The following LIPH variants were observed in gnomAD, a reference collection of about 807,000 sequenced individuals.
The protein encoded by LIPH is lipase H.
Under a neutral mutation model 47.6 loss-of-function variants are expected in LIPH, and 32 were observed. The observed-to-expected ratio is 0.67, with a 90% CI of 0.51 to 0.90. The LOEUF (loss-of-function observed/expected upper bound fraction) is 0.90, where lower values mean the gene tolerates loss of function less well. Ranked by LOEUF, LIPH falls within the 40% of genes least tolerant of loss-of-function variation. LIPH has a pLI of 0.00. For missense variants in LIPH, 497 were observed against 541.4 expected (o/e 0.92, Z 0.81); for synonymous variants, 190 against 195.6 (o/e 0.97, Z 0.24).
intron 1 of LIPH, among the ~76,000 whole-genome samples, chr3:185,548,444 T>G (rs1294525391): frequency 6.7e-6 from 1 of 150,072 alleles, no homozygotes; most frequent in Non-Finnish European, 1.5e-5. Flanking sequence ...AAACTCATCC[T>G]AGGTCAAGCA....
At chr3:185,538,566 T>C (rs1402391773) in intron 1 of LIPH, among the ~76,000 whole-genome samples, 1 of 152,140 alleles carries the variant, frequency 6.6e-6, no homozygotes, top group Non-Finnish European at 1.5e-5. Context: ...AATAATACAG[T>C]TGGGCAAATT....
At chr3:185,518,780 G>T (rs1719809889) in intron 6 of LIPH, among the ~76,000 whole-genome samples, 1 of 151,886 alleles carries the variant, frequency 6.6e-6, no homozygotes, top group Non-Finnish European at 1.5e-5. Context: ...GGAGTGCAGT[G>T]GCATGATCTC....
chr3:185,545,889 C>A (rs962714473), intron 1 of LIPH, among the ~76,000 whole-genome samples: 6 of 152,100 alleles, frequency 3.9e-5, no homozygotes, highest in Non-Finnish European at 7.4e-5. Flanking sequence ...GGCACAGTGG[C>A]TTACGCCTGT....
intron 3 of LIPH, among the ~76,000 whole-genome samples, chr3:185,529,278 A>C (rs1163989130): frequency 2.0e-5 from 3 of 149,570 alleles, no homozygotes; most frequent in Non-Finnish European, 4.4e-5. Flanking sequence ...CCCTACCTGG[A>C]GTGAAGAAGG....
chr3:185,523,767 G>T (rs1053535128), intron 5 of LIPH, among the ~76,000 whole-genome samples: 2 of 149,698 alleles, frequency 1.3e-5, no homozygotes, highest in African/African-American at 4.9e-5. Flanking sequence ...TTGTTGCCCA[G>T]GCTGGAGTGC....
At chr3:185,515,550 C>A (rs1719705198) in intron 7 of LIPH, among the ~76,000 whole-genome samples, 1 of 151,748 alleles carries the variant, frequency 6.6e-6, no homozygotes, top group African/African-American at 2.4e-5. Context: ...TCTGTGTTGC[C>A]CAGGCTGGAG....
At chr3:185,523,167 A>G (rs943960419) in intron 5 of LIPH, among the ~76,000 whole-genome samples, 6 of 152,106 alleles carry the variant, frequency 3.9e-5, no homozygotes, top group African/African-American at 1.2e-4. Flanking sequence ...TCTTGTCTGC[A>G]TTTTCCATTA....
At position 185,519,270 on chromosome 3, in the gene LIPH, TATAC is replaced by T. The variant is rs776139424; in HGVS notation, c.754_757del (p.Val252ThrfsTer7). 1.2e-6 allele frequency: 2 copies of T among 1,613,220 alleles called. No homozygotes were observed. Among genetic ancestry groups the T allele is most frequent in the Non-Finnish European group, 1.7e-6 (2 of 1,179,328 alleles). Reference sequence around the variant, plus strand: ...CTCTCTCAGGGAAGACAGGTACAGGTATACAGACCTCTGGTGGTCACATTTAAAA... The same window carrying T: ...CTCTCTCAGGGAAGACAGGTACAGGTAGACCTCTGGTGGTCACATTTAAAA... On this transcript the variant is annotated frameshift_variant, in exon 6 of 10. Transcript: ENST00000296252.
Position 185,524,139 on chromosome 3 carries a change from A to G in LIPH, c.650T>C (p.Leu217Ser), listed in dbSNP as rs369104457. Residue 217 changes from leucine (L) to serine (S), a missense_variant, in exon 5 of 10, where the codon TTA becomes TCA. Physicochemically the swap from Leu to Ser is moderately radical, Grantham distance 145. Transcript: ENST00000296252. ...ATTTGGGTAGAAGTCTATGTTTCCT[A>G]ATGGCTCCTTGTAGCCCAGTGCTAA... ...DTDALGYKEP[L>S]GNIDFYPNGG... 51 of 1,612,570 alleles carry G rather than the reference A, an allele frequency of 3.2e-5. No individual in the cohort carries two copies. Among genetic ancestry groups the G allele is most frequent in the Non-Finnish European group, 4.2e-5 (50 of 1,178,686 alleles).
chr3:185,527,100 G>C (rs954534980), intron 4 of LIPH, among the ~76,000 whole-genome samples: 1 of 152,096 alleles, frequency 6.6e-6, no homozygotes, highest in East Asian at 1.9e-4. Flanking sequence ...TTAGCCAGGC[G>C]TGGCGGCGTG....
intron 4 of LIPH, among the ~76,000 whole-genome samples, chr3:185,525,597 G>A (rs1560162281): frequency 6.6e-6 from 1 of 152,054 alleles, no homozygotes; most frequent in East Asian, 1.9e-4. Context: ...GGGCAACATA[G>A]TGAGACCTTG....
intron 6 of LIPH, 133 bp from the exon 7 acceptor site, chr3:185,517,295 C>G: frequency 1.5e-6 from 1 of 664,588 alleles, no homozygotes; most frequent in South Asian, 1.7e-5. Context: ...CTCCATCCCC[C>G]ATGGTGAGGG....
At chr3:185,529,881 AAG>A (rs1251299687) in intron 3 of LIPH, among the ~76,000 whole-genome samples, 1 of 150,042 alleles carries the variant, frequency 6.7e-6, no homozygotes, top group Non-Finnish European at 1.5e-5. Context: ...CAGACCAAGC[AAG>A]AGAGAGAGAG....
chr3:185,547,604 A>G (rs1185020147), intron 1 of LIPH, among the ~76,000 whole-genome samples: 2 of 152,060 alleles, frequency 1.3e-5, no homozygotes, highest in African/African-American at 4.8e-5. Flanking sequence ...GCCTGAGTTC[A>G]GGAGTTTGAG....
At chr3:185,516,535 C>T (rs1268033724) in intron 7 of LIPH, among the ~76,000 whole-genome samples, 1 of 152,182 alleles carries the variant, frequency 6.6e-6, no homozygotes, top group Non-Finnish European at 1.5e-5. Context: ...ATTCTAGTTG[C>T]TTCCCAAGGC....
intron 1 of LIPH, among the ~76,000 whole-genome samples, chr3:185,548,722 C>G (rs1024297894): frequency 1.3e-5 from 2 of 151,672 alleles, no homozygotes; most frequent in Admixed American, 6.6e-5. Context: ...GAGCAAGACT[C>G]CATCTCAGAA....
intron 1 of LIPH, among the ~76,000 whole-genome samples, chr3:185,539,032 G>A (rs1217237759): frequency 2.0e-5 from 3 of 151,508 alleles, no homozygotes; most frequent in Non-Finnish European, 4.4e-5. Flanking sequence ...GTGCAGTGGT[G>A]TGATCTCGGC....
intron 1 of LIPH, among the ~76,000 whole-genome samples, chr3:185,539,364 A>G (rs886989047): frequency 2.7e-5 from 4 of 146,060 alleles, no homozygotes; most frequent in Non-Finnish European, 6.0e-5. Flanking sequence ...TATTTTACAG[A>G]TCTTTTTTTT....
intron 1 of LIPH, among the ~76,000 whole-genome samples, chr3:185,551,071 G>A (rs1721034528): frequency 6.6e-6 from 1 of 152,108 alleles, no homozygotes; most frequent in African/African-American, 2.4e-5. Flanking sequence ...CTATTTGGGA[G>A]GCTGAGGCAG....
Sources: gnomAD v4.1 joint callset for allele counts (sites outside exome capture counted in the v4.1 genomes callset) on GRCh38, gnomAD v4.1.1 for gene constraint, MANE v1.5 for transcripts, NCBI Gene and HGNC (gene_info 2026-07-23, HGNC 2026-07-21) for gene names.